The following PKNOX2 variants were observed in gnomAD, a reference collection of about 807,000 sequenced individuals.
PKNOX2 encodes the protein homeobox protein PKNOX2.
PKNOX2 carries 14 observed loss-of-function variants against 53.1 expected under a neutral mutation model. The observed-to-expected ratio is 0.26, with a 90% CI of 0.17 to 0.41. The LOEUF (loss-of-function observed/expected upper bound fraction) is 0.41, where lower values mean the gene tolerates loss of function less well. PKNOX2 is among the 10% of genes least tolerant of loss of function. PKNOX2 has a pLI of 1.00. For missense variants in PKNOX2, 496 were observed against 602.8 expected (o/e 0.82, Z 1.85); for synonymous variants, 257 against 242.8 (o/e 1.06, Z -0.54).
intron 2 of PKNOX2, among the ~76,000 whole-genome samples, chr11:125,238,286 C>T (rs538455964): frequency 6.6e-6 from 1 of 152,284 alleles, no homozygotes; most frequent in African/African-American, 2.4e-5. Context: ...GGTGAGTGGA[C>T]TTGGTCTTGA....
chr11:125,371,308 G>A (rs936863282), intron 5 of PKNOX2, among the ~76,000 whole-genome samples: 13 of 152,066 alleles, frequency 8.5e-5, no homozygotes, highest in Non-Finnish European at 1.9e-4. Flanking sequence ...GGAGGCCGGT[G>A]GAGTGAGGGA....
At chr11:125,186,951 C>A (rs1381157857) in intron 1 of PKNOX2, among the ~76,000 whole-genome samples, 1 of 152,146 alleles carries the variant, frequency 6.6e-6, no homozygotes, top group Non-Finnish European at 1.5e-5. Flanking sequence ...TTCTCAGCAC[C>A]ATTTATTGAA....
At chr11:125,423,200 G>C (rs1220013273) in intron 10 of PKNOX2, among the ~76,000 whole-genome samples, 1 of 152,098 alleles carries the variant, frequency 6.6e-6, no homozygotes, top group Non-Finnish European at 1.5e-5. Context: ...TTTGCCCAAG[G>C]TCTCACGCCG....
At chr11:125,185,279 T>C (rs1176943746) in intron 1 of PKNOX2, among the ~76,000 whole-genome samples, 1 of 152,220 alleles carries the variant, frequency 6.6e-6, no homozygotes, top group East Asian at 1.9e-4. Flanking sequence ...ATTTGTTTGG[T>C]TGGGCTCTCT....
intron 2 of PKNOX2, among the ~76,000 whole-genome samples, chr11:125,242,948 G>C (rs1286010279): frequency 6.6e-6 from 1 of 152,208 alleles, no homozygotes; most frequent in Admixed American, 6.5e-5. Flanking sequence ...TTTGGTGTCA[G>C]ACAGACTTGG....
chr11:125,279,046 A>G (rs1039699559), intron 2 of PKNOX2, among the ~76,000 whole-genome samples: 2 of 152,166 alleles, frequency 1.3e-5, no homozygotes, highest in Admixed American at 6.5e-5. Context: ...TTTGCCCCCA[A>G]CAGGGGCATG....
chr11:125,216,490 C>T (rs568753910), intron 1 of PKNOX2, among the ~76,000 whole-genome samples: 8 of 152,208 alleles, frequency 5.3e-5, no homozygotes, highest in Non-Finnish European at 5.9e-5. Flanking sequence ...CCTGGGGAGG[C>T]ACCGAGGCTG....
chr11:125,205,860 T>G (rs1206319981), intron 1 of PKNOX2, among the ~76,000 whole-genome samples: 2 of 152,104 alleles, frequency 1.3e-5, no homozygotes, highest in Non-Finnish European at 2.9e-5. Flanking sequence ...GGAAAGGCAA[T>G]TTATGAAAAG....
intron 1 of PKNOX2, among the ~76,000 whole-genome samples, chr11:125,199,791 G>A (rs1322988928): frequency 1.3e-5 from 2 of 152,232 alleles, no homozygotes; most frequent in Non-Finnish European, 2.9e-5. Context: ...AGGTTGCGGT[G>A]AGCCGAGATT....
At chr11:125,239,272 A>G (rs1182068492) in intron 2 of PKNOX2, among the ~76,000 whole-genome samples, 1 of 152,220 alleles carries the variant, frequency 6.6e-6, no homozygotes, top group African/African-American at 2.4e-5. Flanking sequence ...TAAAGAGGCA[A>G]AACACTAGCC....
intron 6 of PKNOX2, among the ~76,000 whole-genome samples, chr11:125,386,950 A>T (rs1953679438): frequency 6.6e-6 from 1 of 152,106 alleles, no homozygotes; most frequent in Non-Finnish European, 1.5e-5. Context: ...CTGCCAGAGG[A>T]TAAGGGCTCG....
chr11:125,180,396 T>C (rs1022907824), intron 1 of PKNOX2, among the ~76,000 whole-genome samples: 2 of 152,216 alleles, frequency 1.3e-5, no homozygotes, highest in African/African-American at 4.8e-5. Context: ...AGTGAATGAA[T>C]GGGGAGAGCT....
At chr11:125,277,174 G>T (rs1188881988) in intron 2 of PKNOX2, among the ~76,000 whole-genome samples, 1 of 152,150 alleles carries the variant, frequency 6.6e-6, no homozygotes, top group Non-Finnish European at 1.5e-5. Context: ...TTCAGTTAGT[G>T]GTGTGCCAAA....
intron 6 of PKNOX2, among the ~76,000 whole-genome samples, chr11:125,389,015 C>A (rs1038588476): frequency 6.6e-6 from 1 of 152,058 alleles, no homozygotes; most frequent in African/African-American, 2.4e-5. Context: ...GCCAACATGG[C>A]GAAACCTCGT....
intron 2 of PKNOX2, among the ~76,000 whole-genome samples, chr11:125,321,693 A>G (rs1949522444): frequency 6.6e-6 from 1 of 152,162 alleles, no homozygotes; most frequent in South Asian, 2.1e-4. Flanking sequence ...TTCTAATAAA[A>G]CTTTAATTAC....
chr11:125,385,606 C>G lies in PKNOX2; in HGVS notation c.283C>G (p.Gln95Glu). 1 of 1,613,274 alleles carries G rather than the reference C, an allele frequency of 6.2e-7. No individual in the cohort carries two copies. The highest frequency in any genetic ancestry group is 8.5e-7 in the Non-Finnish European group (1 of 1,179,732). The change falls in exon 6 of 13, where the codon CAG becomes GAG. Residue 95 changes from glutamine to glutamate, a missense_variant. By Grantham distance (29) the Gln-to-Glu change is conservative (BLOSUM62 2). Coordinates refer to ENST00000298282, the MANE Select transcript of PKNOX2 (RefSeq NM_001382323.2). ...GTTTGAGAAATGTGAACAGGCCACC[C>G]AGGGCTCTGAGTGCATCACCTCCGC... Reference protein sequence around the residue: ...LLFEKCEQATQGSECITSASF... With the variant: ...LLFEKCEQATEGSECITSASF...
intron 2 of PKNOX2, among the ~76,000 whole-genome samples, chr11:125,260,810 A>G (rs1944789048): frequency 6.6e-6 from 1 of 152,140 alleles, no homozygotes; most frequent in Admixed American, 6.6e-5. Context: ...CTGCTATACA[A>G]GAGATGTTTA....
intron 2 of PKNOX2, among the ~76,000 whole-genome samples, chr11:125,268,840 G>A (rs79183145): frequency 0.058 from 8,867 of 152,080 alleles, 880 homozygotes; most frequent in African/African-American, 0.2. Context: ...CCTTTCTGGG[G>A]TGGGGGCTGA....
intron 7 of PKNOX2, among the ~76,000 whole-genome samples, chr11:125,404,120 G>C (rs1005520651): frequency 6.6e-6 from 1 of 152,124 alleles, no homozygotes; most frequent in East Asian, 1.9e-4. Flanking sequence ...GGCTGGGGTA[G>C]GGGGCAATCT....
Sources: gnomAD v4.1 joint callset for allele counts (sites outside exome capture counted in the v4.1 genomes callset) on GRCh38, gnomAD v4.1.1 for gene constraint, MANE v1.5 for transcripts, NCBI Gene and HGNC (gene_info 2026-07-23, HGNC 2026-07-21) for gene names.